The following RAD51B variants were observed in gnomAD, a reference collection of about 807,000 sequenced individuals.
RAD51B encodes the protein DNA repair protein RAD51 homolog 2.
RAD51B carries 38 observed loss-of-function variants against 42.2 expected under a neutral mutation model. That is an observed-to-expected ratio of 0.90 (90% CI 0.70 to 1.18). The LOEUF (loss-of-function observed/expected upper bound fraction) is 1.18. RAD51B is among the 50% of genes most tolerant of loss of function. The pLI, the probability that RAD51B is intolerant of heterozygous loss-of-function variation, is 0.00. For missense variants in RAD51B, 373 were observed against 400.7 expected (o/e 0.93, Z 0.59); for synonymous variants, 154 against 145.2 (o/e 1.06, Z -0.43).
chr14:68,218,748 T>C (rs1484151902), intron 7 of RAD51B, among the ~76,000 whole-genome samples: 1 of 152,242 alleles, frequency 6.6e-6, no homozygotes, highest in Non-Finnish European at 1.5e-5. Context: ...TAAAATAGTT[T>C]ACAATATAAT....
intron 7 of RAD51B, among the ~76,000 whole-genome samples, chr14:67,980,621 G>A (rs1317510510): frequency 6.6e-6 from 1 of 152,076 alleles, no homozygotes; most frequent in African/African-American, 2.4e-5. Flanking sequence ...TTTTCACAAA[G>A]GTATAAAGGC....
chr14:68,107,769 A>G (rs79979860), intron 7 of RAD51B, among the ~76,000 whole-genome samples: 4,066 of 151,934 alleles, frequency 0.027, 148 homozygotes, highest in African/African-American at 0.08. Context: ...CACATACAAA[A>G]GAACGAAGTT....
At chr14:68,498,327 G>A (rs1884685287) in intron 10 of RAD51B, among the ~76,000 whole-genome samples, 1 of 152,202 alleles carries the variant, frequency 6.6e-6, no homozygotes, top group Non-Finnish European at 1.5e-5. Flanking sequence ...GAGAAGCAGT[G>A]GACTTCACCC....
rs528076032 is a variant in RAD51B at position 68,223,308 on chromosome 14, A to C, written c.757-68576A>C. The stretch of plus-strand genomic sequence containing the variant: ...CCTTGCCTAGGCCAAGGCTTGATTT[A>C]GGATATGTATGTTTTTAATACATGT... On this transcript the variant is annotated intron_variant, in intron 7 of 10. Coordinates refer to ENST00000471583, the MANE Select transcript of RAD51B (RefSeq NM_133510.4). Among the ~76,000 whole-genome samples, 6 of 152,336 alleles carry C rather than the reference A, an allele frequency of 3.9e-5. No individual in the cohort carries two copies. In the South Asian group the frequency reaches 1.2e-3, roughly 32 times the overall value.
chr14:68,382,911 C>T (rs1247961072), intron 8 of RAD51B, among the ~76,000 whole-genome samples: 3 of 151,984 alleles, frequency 2.0e-5, no homozygotes, highest in Non-Finnish European at 4.4e-5. Flanking sequence ...TTTTTTTTGG[C>T]CTGGGTGCAG....
chr14:68,123,337 A>G (rs1274646390), intron 7 of RAD51B, among the ~76,000 whole-genome samples: 1 of 151,604 alleles, frequency 6.6e-6, no homozygotes, highest in Non-Finnish European at 1.5e-5. Context: ...ATAGGCGTGT[A>G]CCACCATATC....
intron 7 of RAD51B, among the ~76,000 whole-genome samples, chr14:68,004,068 T>C (rs1240081829): frequency 6.6e-6 from 1 of 152,062 alleles, no homozygotes; most frequent in Non-Finnish European, 1.5e-5. Flanking sequence ...AAAGAATATA[T>C]TGCTGTAATC....
intron 7 of RAD51B, among the ~76,000 whole-genome samples, chr14:68,138,198 A>T (rs1180848456): frequency 1.3e-5 from 2 of 151,900 alleles, no homozygotes; most frequent in African/African-American, 2.4e-5. Context: ...ACTCCTAATG[A>T]TGTTGTTACT....
chr14:67,942,363 A>C (rs2045238940), intron 7 of RAD51B, among the ~76,000 whole-genome samples: 1 of 152,216 alleles, frequency 6.6e-6, no homozygotes, highest in African/African-American at 2.4e-5. Context: ...TCTAACAAAT[A>C]AACATATCCT....
chr14:68,534,911 C>T (rs1887527740), intron 10 of RAD51B, among the ~76,000 whole-genome samples: 1 of 151,982 alleles, frequency 6.6e-6, no homozygotes, highest in Non-Finnish European at 1.5e-5. Flanking sequence ...CACTAATGTG[C>T]CAAGGGTACT....
At chr14:68,548,415 T>C (rs1046118500) in intron 10 of RAD51B, among the ~76,000 whole-genome samples, 25 of 152,240 alleles carry the variant, frequency 1.6e-4, no homozygotes, top group Non-Finnish European at 4.4e-5. Context: ...TGGCTGCAGA[T>C]GCTGTAAATA....
At chr14:68,193,093 C>T (rs544054825) in intron 7 of RAD51B, among the ~76,000 whole-genome samples, 136 of 152,156 alleles carry the variant, frequency 8.9e-4, no homozygotes, top group African/African-American at 3.1e-3. Context: ...TTGTTGATCC[C>T]GCGTGACCCC....
chr14:68,190,998 C>T lies in RAD51B; in HGVS notation c.757-100886C>T, dbSNP rs2079254309. 2.6e-5 allele frequency among the ~76,000 whole-genome samples: 4 copies of T among 151,758 alleles called. No homozygotes were observed. In the South Asian group the frequency reaches 8.3e-4, roughly 32 times the overall value. On this transcript the variant is annotated intron_variant, in intron 7 of 10. Coordinates refer to ENST00000471583, the MANE Select transcript of RAD51B (RefSeq NM_133510.4). ...CTCTTTATTTCCCAATGTTAATTAT[C>T]TAAATGCTGTTAGTTAATGCTATAT...
chr14:67,846,498 G>A (rs560659964), intron 4 of RAD51B, among the ~76,000 whole-genome samples: 5 of 152,264 alleles, frequency 3.3e-5, no homozygotes, highest in South Asian at 2.1e-4. Context: ...GGGCGTGGCC[G>A]AGTGCATGTT....
intron 10 of RAD51B, among the ~76,000 whole-genome samples, chr14:68,640,442 C>T (rs1426949792): frequency 6.6e-6 from 1 of 152,188 alleles, no homozygotes; most frequent in East Asian, 1.9e-4. Context: ...GTGCTTAGCT[C>T]AGTGCCAGTA....
At chr14:68,368,735 G>C (rs1175748832) in intron 8 of RAD51B, among the ~76,000 whole-genome samples, 1 of 152,180 alleles carries the variant, frequency 6.6e-6, no homozygotes, top group Non-Finnish European at 1.5e-5. Context: ...ATTGTCTAAA[G>C]TCCTAACACA....
downstream of RAD51B, among the ~76,000 whole-genome samples, chr14:68,612,653 A>G (rs1405261272): frequency 6.6e-6 from 1 of 152,082 alleles, no homozygotes; most frequent in African/African-American, 2.4e-5. Flanking sequence ...ATGGATACAA[A>G]GTTTCTGTTT....
At chr14:67,826,922 A>T (rs137947128) in intron 3 of RAD51B, among the ~76,000 whole-genome samples, 2 of 152,016 alleles carry the variant, frequency 1.3e-5, no homozygotes, top group Non-Finnish European at 2.9e-5. Flanking sequence ...AGCTCAAGTG[A>T]TCCTCCCGCC....
At chr14:68,031,030 GC>G (rs1484534328) in intron 7 of RAD51B, among the ~76,000 whole-genome samples, 1 of 152,186 alleles carries the variant, frequency 6.6e-6, no homozygotes, top group African/African-American at 2.4e-5. Context: ...GTTTGATAGT[GC>G]CCCTGAACAA....
Sources: allele counts gnomAD v4.1 joint callset (sites outside exome capture counted in the v4.1 genomes callset), GRCh38; gene constraint gnomAD v4.1.1; transcripts MANE v1.5; gene names NCBI Gene and HGNC (gene_info 2026-07-23, HGNC 2026-07-21).